The following STK24 variants were observed in gnomAD, a reference collection of about 807,000 sequenced individuals.
STK24 encodes the protein serine/threonine-protein kinase 24.
STK24 carries 21 observed loss-of-function variants against 55.6 expected under a neutral mutation model. The observed-to-expected ratio is 0.38, with a 90% confidence interval of 0.27 to 0.54. The LOEUF (loss-of-function observed/expected upper bound fraction) is 0.54. Ranked by LOEUF, STK24 falls within the 20% of genes least tolerant of loss-of-function variation. The pLI, the probability that STK24 is intolerant of heterozygous loss-of-function variation, is 0.79. For missense variants in STK24, 383 were observed against 538.4 expected (o/e 0.71, Z 2.86); for synonymous variants, 200 against 215.2 (o/e 0.93, Z 0.62).
chr13:98,517,895 A>G (rs1177977419), intron 2 of STK24, among the ~76,000 whole-genome samples: 1 of 152,252 alleles, frequency 6.6e-6, no homozygotes, highest in African/African-American at 2.4e-5. Context: ...CTACCAAGGA[A>G]GGAAAATACG....
intron 1 of STK24, among the ~76,000 whole-genome samples, chr13:98,537,924 G>A (rs1221854509): frequency 1.3e-5 from 2 of 152,180 alleles, no homozygotes; most frequent in Non-Finnish European, 2.9e-5. Flanking sequence ...GAGGGGCTCA[G>A]GGCTCCGCTG....
intron 10 of STK24, chr13:98,453,807 T>C (rs1893319094): frequency 1.4e-5 from 2 of 141,188 alleles, no homozygotes; most frequent in Admixed American, 7.1e-5. Flanking sequence ...GGTAATTATC[T>C]GTATTTACAT....
At chr13:98,556,144 G>A (rs2139443221) in intron 1 of STK24, among the ~76,000 whole-genome samples, 1 of 152,296 alleles carries the variant, frequency 6.6e-6, no homozygotes, top group South Asian at 2.1e-4. Flanking sequence ...CCGGGGAATT[G>A]TCAGTCGCAT....
At chr13:98,542,343 A>G (rs1483822749) in intron 1 of STK24, among the ~76,000 whole-genome samples, 1 of 152,182 alleles carries the variant, frequency 6.6e-6, no homozygotes, top group Non-Finnish European at 1.5e-5. Context: ...GTTAAGGTAA[A>G]AAGGACTGAC....
chr13:98,447,826 C>G lies in STK24; in HGVS notation c.*5347G>C, dbSNP rs934825771. On this transcript the variant is annotated 3_prime_UTR_variant, in exon 11 of 11. Coordinates refer to ENST00000539966, the MANE Select transcript of STK24 (RefSeq NM_001032296.4). ...CACCACTGAACTCCAGTATGAGTGACAGAGCCAGACCCTGTCTCAAAAAAA... is the reference window on the plus strand; with the variant it reads ...CACCACTGAACTCCAGTATGAGTGAGAGAGCCAGACCCTGTCTCAAAAAAA... 2.8e-5 allele frequency: 5 copies of G among 178,368 alleles called. No individual in the cohort carries two copies. Among genetic ancestry groups the G allele is most frequent in the South Asian group, 1.2e-4 (1 of 8,690 alleles). 11.0% of individuals were successfully genotyped at this position (178,368 alleles called of 1,614,324 possible).
intron 5 of STK24, among the ~76,000 whole-genome samples, chr13:98,472,658 A>C (rs1378691797): frequency 6.6e-6 from 1 of 152,130 alleles, no homozygotes; most frequent in Non-Finnish European, 1.5e-5. Context: ...AAGGCACTTA[A>C]TTTTTTAATA....
intron 1 of STK24, among the ~76,000 whole-genome samples, chr13:98,545,705 GTCAGT>G (rs1404500294): frequency 6.6e-6 from 1 of 151,032 alleles, no homozygotes. Context: ...TGGCTGCTCA[GTCAGT>G]GATTAGACAA....
intron 3 of STK24, among the ~76,000 whole-genome samples, chr13:98,476,241 C>CG (rs200424858): frequency 0.015 from 679 of 44,110 alleles, 11 homozygotes; most frequent in African/African-American, 0.027. Flanking sequence ...AGACGGGAAG[C>CG]CCCCCCCCGC....
intron 1 of STK24, among the ~76,000 whole-genome samples, chr13:98,525,016 C>T (rs1351948911): frequency 6.6e-6 from 1 of 152,252 alleles, no homozygotes; most frequent in African/African-American, 2.4e-5. Context: ...GAGGCCGGGG[C>T]AATGGGGCAC....
Position 98,560,340 on chromosome 13 carries a change from G to A in STK24, c.42+16405C>T, listed in dbSNP as rs182310537. Among the ~76,000 whole-genome samples, 637 of 152,284 alleles carry A rather than the reference G, an allele frequency of 4.2e-3. 5 individuals are homozygous for A. Among genetic ancestry groups the A allele is most frequent in the South Asian group, 0.026 (125 of 4,822 alleles). ...GGAATGTATTATTTCAATGACTACT[G>A]CCCTGCCACTCAAAATGCATACAGT... On this transcript the variant is annotated intron_variant, in intron 1 of 10. Coordinates refer to ENST00000539966, the MANE Select transcript of STK24 (RefSeq NM_001032296.4).
At chr13:98,473,266 A>AGGG (rs1555302947) in intron 5 of STK24, among the ~76,000 whole-genome samples, 1 of 102,022 alleles carries the variant, frequency 9.8e-6, no homozygotes, top group Non-Finnish European at 1.9e-5. Flanking sequence ...GAAGGGGAGG[A>AGGG]AGGAAAGGGG....
intron 1 of STK24, among the ~76,000 whole-genome samples, chr13:98,556,607 C>T (rs1897295038): frequency 6.6e-6 from 1 of 152,216 alleles, no homozygotes; most frequent in Non-Finnish European, 1.5e-5. Flanking sequence ...TCATGCCAGC[C>T]ACCCTGGGCC....
At chr13:98,474,719 A>G in intron 5 of STK24, 102 bp downstream of exon 5, 1 of 1,431,092 alleles carries the variant, frequency 7.0e-7, no homozygotes, top group East Asian at 2.3e-5. Flanking sequence ...ACCTCAAGGT[A>G]CCAGCTTCGT....
At chr13:98,572,792 C>G (rs1897776581) in intron 1 of STK24, among the ~76,000 whole-genome samples, 1 of 152,210 alleles carries the variant, frequency 6.6e-6, no homozygotes, top group Non-Finnish European at 1.5e-5. Context: ...GTTAAACTTA[C>G]AACTTCAAAA....
intron 5 of STK24, among the ~76,000 whole-genome samples, chr13:98,471,568 T>C (rs907922545): frequency 2.0e-5 from 3 of 152,152 alleles, no homozygotes; most frequent in African/African-American, 7.2e-5. Context: ...TTACGACATA[T>C]GGGCAATCAG....
intron 1 of STK24, among the ~76,000 whole-genome samples, chr13:98,527,242 C>T (rs911537721): frequency 2.1e-4 from 32 of 152,058 alleles, no homozygotes; most frequent in African/African-American, 7.5e-4. Context: ...TTGGGAGGCC[C>T]ACAGATCACT....
At chr13:98,462,939 C>G (rs1893773883) in intron 7 of STK24, among the ~76,000 whole-genome samples, 1 of 152,216 alleles carries the variant, frequency 6.6e-6, no homozygotes, top group Non-Finnish European at 1.5e-5. Context: ...GCTACCCCAG[C>G]AATCTCCCAA....
At chr13:98,467,144 T>C (rs1022741220) in intron 5 of STK24, among the ~76,000 whole-genome samples, 2 of 152,182 alleles carry the variant, frequency 1.3e-5, no homozygotes, top group African/African-American at 4.8e-5. Context: ...AAAAGTTTAT[T>C]ATGAAAATGT....
chr13:98,488,160 G>C (rs1352336811), intron 2 of STK24, among the ~76,000 whole-genome samples: 8 of 130,350 alleles, frequency 6.1e-5, no homozygotes, highest in South Asian at 2.8e-4. Context: ...AAGAGATGAA[G>C]ACACACACAC....
Sources: allele counts gnomAD v4.1 joint callset (sites outside exome capture counted in the v4.1 genomes callset), GRCh38; gene constraint gnomAD v4.1.1; transcripts MANE v1.5; gene names NCBI Gene and HGNC (gene_info 2026-07-23, HGNC 2026-07-21).